CXXC5: variants seen among roughly 807,000 people sequenced by gnomAD.
CXXC5 encodes CXXC finger protein 5, also known as CXXC-type zinc finger protein 5.
CXXC5 carries 2 observed loss-of-function variants against 17.6 expected under a neutral mutation model. The ratio of observed to expected loss-of-function variants is 0.11; its 90% CI spans 0.05 to 0.36. CXXC5 has a LOEUF of 0.36. Among genes scored for constraint, CXXC5 ranks in the 10% least tolerant of loss-of-function variants. The pLI is 1.00. For synonymous variants in CXXC5, 171 were observed against 193.0 expected (o/e 0.89, Z 0.94); for missense variants, 343 against 458.3 (o/e 0.75, Z 2.30).
At chr5:139,657,341 A>T (rs190829365) in intron 1 of CXXC5, among the ~76,000 whole-genome samples, 4 of 152,332 alleles carry the variant, frequency 2.6e-5, no homozygotes, top group Admixed American at 1.3e-4. Context: ...TCTGGCACAC[A>T]GAAGGGACTC....
At chr5:139,682,318 C>CCCCCAA (rs1757281335) in intron 2 of CXXC5, among the ~76,000 whole-genome samples, 1 of 118,758 alleles carries the variant, frequency 8.4e-6, no homozygotes, top group East Asian at 2.1e-4. Flanking sequence ...TGGTTACCCT[C>CCCCCAA]CCCCAACCCC....
At chr5:139,664,462 G>A (rs997777590) in intron 1 of CXXC5, among the ~76,000 whole-genome samples, 4 of 152,178 alleles carry the variant, frequency 2.6e-5, no homozygotes, top group South Asian at 4.1e-4. Context: ...CCCCCATCCC[G>A]TGGTCCGTGT....
chr5:139,652,557 T>C (rs1755271035), intron 1 of CXXC5, among the ~76,000 whole-genome samples: 1 of 152,232 alleles, frequency 6.6e-6, no homozygotes, highest in African/African-American at 2.4e-5. Flanking sequence ...TGTGTGCTTA[T>C]GACTCAGGAC....
chr5:139,665,474 C>CA (rs1756059812), intron 1 of CXXC5: 1 of 152,312 alleles, frequency 6.6e-6, no homozygotes, highest in African/African-American at 2.4e-5. Flanking sequence ...ATAAGGATGC[C>CA]AGGCCAGTGC....
rs1554084634 is a variant in CXXC5, at chr5:139,673,852, A to AGAG, written c.-160-6512_-160-6511insGAG. Among the ~76,000 whole-genome samples the AGAG allele has an allele frequency of 1.9e-4, 13 of 67,666 alleles. No homozygotes were observed. The South Asian group carries it at 2.8e-3, about 14-fold the overall frequency. The allele number at this position is 67,666 out of a possible 152,430, so 44.4% of individuals were successfully genotyped here. A position where few individuals can be genotyped will look rare whatever the true frequency, so the allele number is the denominator to read the frequency against. ...CAAGACTCTTGTCAAAAAAAAAAAA[A>AGAG]AAAGAGAGAGAGAAAACAGAGCTCT... On this transcript the variant is annotated intron_variant, in intron 1 of 2. Coordinates refer to ENST00000302517, the MANE Select transcript of CXXC5 (RefSeq NM_016463.9).
chr5:139,678,762 G>A (rs1285835332), intron 1 of CXXC5, among the ~76,000 whole-genome samples: 1 of 152,188 alleles, frequency 6.6e-6, no homozygotes, highest in East Asian at 1.9e-4. Context: ...CAAAGATCCA[G>A]TGTGTGCTGC....
At chr5:139,652,195 T>TGG (rs1755251158) in intron 1 of CXXC5, among the ~76,000 whole-genome samples, 1 of 147,592 alleles carries the variant, frequency 6.8e-6, no homozygotes, top group Non-Finnish European at 1.5e-5. Flanking sequence ...TGTGTGTGTG[T>TGG]GGCTGTGTAT....
At chr5:139,652,147 GGCGCGCGC>G (rs34430057) in intron 1 of CXXC5, among the ~76,000 whole-genome samples, 1,474 of 136,572 alleles carry the variant, frequency 0.011, 15 homozygotes, top group Middle Eastern at 0.033. Flanking sequence ...CCTAGCCGCC[GGCGCGCGC>G]GCGCGCGCGC....
At chr5:139,672,242 C>T (rs1279557677) in intron 1 of CXXC5, among the ~76,000 whole-genome samples, 5 of 152,148 alleles carry the variant, frequency 3.3e-5, no homozygotes, top group East Asian at 1.9e-4. Context: ...CTCAGCCTCC[C>T]GAGTAGCTGG....
In CXXC5 at chr5:139,680,877, G is replaced by A; in HGVS notation, c.354G>A (p.Gly118=). 1 of 1,607,824 alleles carries A rather than the reference G, an allele frequency of 6.2e-7. No homozygotes were observed. The highest frequency in any genetic ancestry group is 8.5e-7 in the Non-Finnish European group (1 of 1,179,988). ...CCGCTGCCTCCCTGTTGGCCAATGG[G>A]CATGACCTGGCGGCGGCCATGGCGG... is the stretch of plus-strand genomic sequence containing the variant. ...AAAAASLLAN[G]HDLAAAMAVD... Residue 118 remains glycine (G), a synonymous_variant, in exon 2 of 3, where the codon GGG becomes GGA. Coordinates refer to ENST00000302517, the MANE Select transcript of CXXC5 (RefSeq NM_016463.9).
chr5:139,660,122 C>T (rs1052811632), intron 1 of CXXC5, among the ~76,000 whole-genome samples: 4 of 152,210 alleles, frequency 2.6e-5, no homozygotes, highest in African/African-American at 9.6e-5. Context: ...GTCCTAGAGG[C>T]AAGCTGCATC....
intron 1 of CXXC5, among the ~76,000 whole-genome samples, chr5:139,655,461 G>A (rs1425684344): frequency 8.5e-6 from 1 of 117,112 alleles, no homozygotes; most frequent in East Asian, 2.3e-4. Flanking sequence ...GGGCATCCCT[G>A]CCGCTGAATT....
At chr5:139,651,290 C>G (rs958172686) in intron 1 of CXXC5, 2 of 152,262 alleles carry the variant, frequency 1.3e-5, no homozygotes, top group Non-Finnish European at 2.9e-5. Flanking sequence ...GGCCTCCTAT[C>G]TCTCCCGCGA....
At chr5:139,678,416 C>T (rs566149560) in intron 1 of CXXC5, among the ~76,000 whole-genome samples, 31 of 152,204 alleles carry the variant, frequency 2.0e-4, no homozygotes, top group Admixed American at 2.6e-4. Flanking sequence ...CAGGGCCCCC[C>T]GGCTCTGTCC....
chr5:139,680,938 G>A lies in CXXC5; in HGVS notation c.415G>A (p.Gly139Ser), dbSNP rs1052970340. 1.9e-6 allele frequency: 3 copies of A among 1,601,728 alleles called. No homozygotes were observed. The highest frequency in any genetic ancestry group is 1.3e-5 in the African/African-American group (1 of 74,946). ...CAACCCTACCTCAAAGCACAAAAGT[G>A]GTGCTGTGGCCAGCCTGCTGAGCAA... The part of the protein sequence containing the change: ...KSNPTSKHKS[G>S]AVASLLSKAE... Residue 139 changes from glycine (G) to serine (S), a missense_variant, in exon 2 of 3, where the codon GGT becomes AGT. Physicochemically the swap from Gly to Ser is moderately conservative, Grantham distance 56. Coordinates refer to ENST00000302517, the MANE Select transcript of CXXC5 (RefSeq NM_016463.9).
intron 2 of CXXC5, among the ~76,000 whole-genome samples, 194 bp downstream of exon 2, chr5:139,681,641 A>G (rs991119058): frequency 3.9e-5 from 6 of 152,188 alleles, no homozygotes; most frequent in Admixed American, 2.6e-4. Flanking sequence ...CATTCTGAGA[A>G]TCCTATCAGG....
intron 1 of CXXC5, among the ~76,000 whole-genome samples, chr5:139,673,839 CAAA>C (rs752672843): frequency 1.1e-4 from 7 of 64,854 alleles, no homozygotes; most frequent in Admixed American, 1.6e-4. Flanking sequence ...AGACTCTTGT[CAAA>C]AAAAAAAAAA....
intron 1 of CXXC5, among the ~76,000 whole-genome samples, chr5:139,652,144 G>A (rs1291995373): frequency 1.0e-5 from 1 of 98,522 alleles, no homozygotes; most frequent in Non-Finnish European, 1.9e-5. Flanking sequence ...CATCCTAGCC[G>A]CCGGCGCGCG....
chr5:139,663,529 G>A lies in CXXC5; in HGVS notation c.-161+14684G>A, dbSNP rs1202111819. Among the ~76,000 whole-genome samples the A allele has an allele frequency of 2.0e-5, 3 of 151,910 alleles. No homozygotes were observed. Among genetic ancestry groups the A allele is most frequent in the East Asian group, 3.9e-4 (2 of 5,178 alleles). On this transcript the variant is annotated intron_variant, in intron 1 of 2. Transcript: ENST00000302517. The surrounding 1 kb of genome is among the most constrained non-coding windows in gnomAD (Gnocchi z 4.2). ...GCCTGGCCAGTGGGGTGCTACCCTC[G>A]TTGTAACCTTCAGGCTTCTACCACA...
Sources: gnomAD v4.1 joint callset for allele counts (sites outside exome capture counted in the v4.1 genomes callset) on GRCh38, gnomAD v4.1.1 for gene constraint, Gnocchi (gnomAD v3.1) non-coding constraint, MANE v1.5 for transcripts, NCBI Gene and HGNC (gene_info 2026-07-23, HGNC 2026-07-21) for gene names.